CNTNAP2: variants seen among roughly 807,000 people sequenced by gnomAD.
CNTNAP2 encodes contactin-associated protein-like 2.
A neutral mutation model predicts 155.2 loss-of-function variants in CNTNAP2; 98 were observed. That is an observed-to-expected ratio of 0.63 (90% CI 0.54 to 0.75). CNTNAP2 has a LOEUF of 0.75. CNTNAP2 is among the 30% of genes least tolerant of loss of function. CNTNAP2 has a pLI of 0.00. For missense variants in CNTNAP2, 1,727 were observed against 1,688.1 expected, an observed-to-expected ratio of 1.02 and a Z score of -0.40; for synonymous variants, 651 against 631.2, an observed-to-expected ratio of 1.03 and a Z score of -0.47.
intron 11 of CNTNAP2, among the ~76,000 whole-genome samples, chr7:147,510,119 G>C (rs6955075): frequency 6.6e-6 from 1 of 152,108 alleles, no homozygotes; most frequent in Non-Finnish European, 1.5e-5. Flanking sequence ...CAGAGGATTC[G>C]TGCCAGTGTG....
intron 13 of CNTNAP2, among the ~76,000 whole-genome samples, chr7:147,678,730 T>C (rs149320184): frequency 0.016 from 2,490 of 152,076 alleles, 221 homozygotes; most frequent in Admixed American, 0.15. Context: ...GCTAATTAGA[T>C]CTTTGTAAAC....
At chr7:148,081,477 G>A (rs1489521527) in intron 15 of CNTNAP2, among the ~76,000 whole-genome samples, 1 of 152,134 alleles carries the variant, frequency 6.6e-6, no homozygotes, top group East Asian at 1.9e-4. Flanking sequence ...GAAAAGACTA[G>A]ACTGGCCTAG....
chr7:147,874,801 G>C (rs544905444), intron 13 of CNTNAP2, among the ~76,000 whole-genome samples: 1 of 152,024 alleles, frequency 6.6e-6, no homozygotes, highest in Non-Finnish European at 1.5e-5. Context: ...GCTTCATCTT[G>C]AATGCTTTGC....
chr7:148,024,966 T>C (rs1802351015), intron 15 of CNTNAP2, among the ~76,000 whole-genome samples: 4 of 152,220 alleles, frequency 2.6e-5, no homozygotes, highest in South Asian at 2.1e-4. Context: ...ATCTTGCTTC[T>C]AACCTCACAA....
At chr7:148,130,472 A>C (rs560067668) in intron 16 of CNTNAP2, among the ~76,000 whole-genome samples, 1 of 152,266 alleles carries the variant, frequency 6.6e-6, no homozygotes, top group African/African-American at 2.4e-5. Flanking sequence ...CAGTCCCTCT[A>C]TCCTGATAAC....
intron 16 of CNTNAP2, among the ~76,000 whole-genome samples, 188 bp from the exon 17 acceptor site, chr7:148,147,302 AC>A (rs1805202159): frequency 1.3e-5 from 2 of 151,736 alleles, no homozygotes; most frequent in African/African-American, 2.4e-5. Flanking sequence ...CCCCCAAAAC[AC>A]CCTTGGTTAT....
intron 3 of CNTNAP2, among the ~76,000 whole-genome samples, chr7:146,946,020 T>C (rs1187188454): frequency 6.6e-6 from 1 of 151,910 alleles, no homozygotes; most frequent in Non-Finnish European, 1.5e-5. Flanking sequence ...CTTTGGTGGG[T>C]TTTCTACCAA....
At chr7:148,100,891 CAAT>C (rs1231766295) in intron 15 of CNTNAP2, among the ~76,000 whole-genome samples, 2 of 151,980 alleles carry the variant, frequency 1.3e-5, no homozygotes, top group Non-Finnish European at 2.9e-5. Context: ...AAATGTCCAA[CAAT>C]GATAGACTGG....
At position 147,474,348 on chromosome 7, in the gene CNTNAP2, C is replaced by G. The variant is rs189593897; in HGVS notation, c.1671-11587C>G. On this transcript the variant is annotated intron_variant, in intron 10 of 23. Coordinates refer to ENST00000361727, the MANE Select transcript of CNTNAP2 (RefSeq NM_014141.6). ...GTGGCTCACGCCTGTAATCCCAACA[C>G]TTTGGGAGGCCAAGGTGGGCAGATC... 1.9e-3 allele frequency among the ~76,000 whole-genome samples: 286 copies of G among 152,182 alleles called. 2 individuals are homozygous for G. Among genetic ancestry groups the G allele is most frequent in the African/African-American group, 4.9e-3 (202 of 41,556 alleles).
At chr7:146,657,601 A>G (rs1048892032) in intron 1 of CNTNAP2, among the ~76,000 whole-genome samples, 1 of 151,884 alleles carries the variant, frequency 6.6e-6, no homozygotes, top group African/African-American at 2.4e-5. Flanking sequence ...TGTCTCTTAG[A>G]TTTTGACCCT....
At chr7:146,436,214 G>GT (rs1178056193) in intron 1 of CNTNAP2, among the ~76,000 whole-genome samples, 3 of 152,220 alleles carry the variant, frequency 2.0e-5, no homozygotes, top group Non-Finnish European at 2.9e-5. Flanking sequence ...GAGATTTTAT[G>GT]TTTTTTGTGA....
intron 1 of CNTNAP2, among the ~76,000 whole-genome samples, chr7:146,411,846 AT>A (rs754874287): frequency 0.06 from 5,086 of 85,114 alleles, 313 homozygotes; most frequent in African/African-American, 0.16. Context: ...TTATTTATTT[AT>A]TTTATTTGAG....
chr7:148,268,181 G>A (rs1796708959), intron 21 of CNTNAP2, among the ~76,000 whole-genome samples: 1 of 152,138 alleles, frequency 6.6e-6, no homozygotes, highest in Non-Finnish European at 1.5e-5. Flanking sequence ...TTCATATGAG[G>A]CTGTGTACTG....
chr7:148,050,180 T>G (rs1392489025), intron 15 of CNTNAP2, among the ~76,000 whole-genome samples: 1 of 152,092 alleles, frequency 6.6e-6, no homozygotes, highest in African/African-American at 2.4e-5. Flanking sequence ...AAACATTAAG[T>G]GTGAAACAAC....
chr7:147,885,056 G>A (rs1009646023), intron 13 of CNTNAP2, among the ~76,000 whole-genome samples: 5 of 152,220 alleles, frequency 3.3e-5, no homozygotes, highest in Non-Finnish European at 7.3e-5. Flanking sequence ...AGAGTAACAA[G>A]TATTGGGTTG....
At chr7:146,151,714 G>GTATA (rs548721179) in intron 1 of CNTNAP2, among the ~76,000 whole-genome samples, 5 of 72,430 alleles carry the variant, frequency 6.9e-5, no homozygotes, top group Non-Finnish European at 1.1e-4. Context: ...ATATATATAT[G>GTATA]TATATATATA....
chr7:147,639,255 G>A lies in CNTNAP2; in HGVS notation c.2047G>A (p.Glu683Lys), dbSNP rs372580822. The A allele has an allele frequency of 2.5e-5, 40 of 1,614,066 alleles. No individual in the cohort carries two copies. Among genetic ancestry groups the A allele is most frequent in the Middle Eastern group, 3.3e-4 (2 of 6,062 alleles). The change falls in exon 13 of 24, where the codon GAG becomes AAG. Residue 683 changes from glutamate (E) to lysine (K), a missense_variant. Coordinates refer to ENST00000361727, the MANE Select transcript of CNTNAP2 (RefSeq NM_014141.6). ...CATCACTGACAGTGCCGAGTACTGC[G>A]AGCAGTATGTCTCCTATTTCTGCAA... is the stretch of plus-strand genomic sequence containing the variant. ...SAITDSAEYCEQYVSYFCKMS... is the reference protein window; with the variant it reads ...SAITDSAEYCKQYVSYFCKMS...
intron 1 of CNTNAP2, among the ~76,000 whole-genome samples, chr7:146,610,312 CAG>C (rs1799115448): frequency 6.6e-6 from 1 of 152,104 alleles, no homozygotes; most frequent in Non-Finnish European, 1.5e-5. Context: ...AGCACCCAAA[CAG>C]AGTAGTTTTG....
chr7:146,947,406 CTCTCTA>C (rs372988909), intron 3 of CNTNAP2, among the ~76,000 whole-genome samples: 2,907 of 131,724 alleles, frequency 0.022, 22 homozygotes, highest in Non-Finnish European at 0.03. Flanking sequence ...CTCTCTCTCT[CTCTCTA>C]TATATATATA....
Sources: allele counts gnomAD v4.1 joint callset (sites outside exome capture counted in the v4.1 genomes callset), GRCh38; gene constraint gnomAD v4.1.1; transcripts MANE v1.5; gene names NCBI Gene and HGNC (gene_info 2026-07-23, HGNC 2026-07-21).